SEMA3E: variants seen among roughly 807,000 people sequenced by gnomAD.
SEMA3E encodes the protein semaphorin-3E.
In SEMA3E, 49 loss-of-function variants were observed where a neutral mutation model predicts 93.6. The ratio of observed to expected loss-of-function variants is 0.52; its 90% CI spans 0.42 to 0.66. SEMA3E has a LOEUF of 0.66. Among genes scored for constraint, SEMA3E ranks in the 30% least tolerant of loss-of-function variants. The probability of loss-of-function intolerance (pLI) is 0.00; values close to 1 mark genes in which losing one functional copy is unlikely to be tolerated. For missense variants in SEMA3E, 906 were observed against 964.8 expected, an observed-to-expected ratio of 0.94 and a Z score of 0.81; for synonymous variants, 363 against 330.7, an observed-to-expected ratio of 1.10 and a Z score of -1.06.
intron 1 of SEMA3E, among the ~76,000 whole-genome samples, chr7:83,573,275 T>A (rs1792324487): frequency 1.3e-5 from 2 of 152,092 alleles, no homozygotes; most frequent in African/African-American, 4.8e-5. Context: ...TCATTTTTAT[T>A]TTATTATTTT....
chr7:83,404,621 A>G lies in SEMA3E; in HGVS notation c.998+829T>C, dbSNP rs1030456757. On this transcript the variant is annotated intron_variant, in intron 9 of 16. Coordinates refer to ENST00000643230, the MANE Select transcript of SEMA3E (RefSeq NM_012431.3). ...AAATATATGAAATAATATTTTATCC[A>G]TTTTTACAGCACTTTACTATGGGTT... Among the ~76,000 whole-genome samples, 14 of 151,972 alleles carry G rather than the reference A, an allele frequency of 9.2e-5. 1 individual carries two copies. Among genetic ancestry groups the G allele is most frequent in the Admixed American group, 2.6e-4 (4 of 15,216 alleles).
chr7:83,572,666 A>C lies in SEMA3E; in HGVS notation c.115+75762T>G, dbSNP rs1030794534. ...ACAAACAAAACAAAACAAAAAAACA[A>C]AAAAAACAGATACATAGACTAATGG... On this transcript the variant is annotated intron_variant, in intron 1 of 16. Coordinates refer to ENST00000643230, the MANE Select transcript of SEMA3E (RefSeq NM_012431.3). Among the ~76,000 whole-genome samples, 72 of 151,956 alleles carry C rather than the reference A, an allele frequency of 4.7e-4. 1 individual carries two copies. The highest frequency in any genetic ancestry group is 1.7e-3 in the African/African-American group (70 of 41,346).
intron 2 of SEMA3E, among the ~76,000 whole-genome samples, chr7:83,472,056 G>A (rs1000415329): frequency 1.3e-5 from 2 of 152,050 alleles, no homozygotes; most frequent in African/African-American, 4.8e-5. Flanking sequence ...CTCTCCCAGC[G>A]ATGGATACCC....
At chr7:83,571,747 T>C (rs1398352851) in intron 1 of SEMA3E, among the ~76,000 whole-genome samples, 2 of 152,038 alleles carry the variant, frequency 1.3e-5, no homozygotes, top group Non-Finnish European at 2.9e-5. Flanking sequence ...GAGAAAGAAA[T>C]AAAAGGCGTC....
At chr7:83,577,346 C>A (rs1032072210) in intron 1 of SEMA3E, among the ~76,000 whole-genome samples, 1 of 151,990 alleles carries the variant, frequency 6.6e-6, no homozygotes, top group Non-Finnish European at 1.5e-5. Flanking sequence ...TTTATGCTTT[C>A]AATAATCATT....
At chr7:83,467,414 C>T (rs764917725) in intron 3 of SEMA3E, among the ~76,000 whole-genome samples, 5 of 152,144 alleles carry the variant, frequency 3.3e-5, no homozygotes, top group African/African-American at 4.8e-5. Context: ...ACATAAAGCA[C>T]CTTCAGAGAG....
intron 1 of SEMA3E, among the ~76,000 whole-genome samples, chr7:83,550,147 C>T (rs1450191150): frequency 2.0e-5 from 3 of 152,078 alleles, no homozygotes; most frequent in Non-Finnish European, 2.9e-5. Context: ...TAATCTGCTT[C>T]GATATTAAAC....
intron 1 of SEMA3E, among the ~76,000 whole-genome samples, chr7:83,644,823 T>C (rs1261285138): frequency 6.6e-6 from 1 of 152,032 alleles, no homozygotes; most frequent in African/African-American, 2.4e-5. Flanking sequence ...AATCTACATG[T>C]ATAATGTTAA....
intron 1 of SEMA3E, among the ~76,000 whole-genome samples, chr7:83,632,349 T>C (rs1246084586): frequency 6.6e-6 from 1 of 152,194 alleles, no homozygotes; most frequent in Non-Finnish European, 1.5e-5. Flanking sequence ...GATAACTATC[T>C]GATATGGCTT....
At chr7:83,442,962 G>A (rs1229498885) in intron 4 of SEMA3E, among the ~76,000 whole-genome samples, 2 of 152,164 alleles carry the variant, frequency 1.3e-5, no homozygotes, top group Non-Finnish European at 2.9e-5. Flanking sequence ...TGTCGATGAA[G>A]TAGTCCAAGT....
intron 1 of SEMA3E, 71 bp downstream of exon 1, chr7:83,648,357 C>G: frequency 8.3e-7 from 1 of 1,211,334 alleles, no homozygotes; most frequent in Non-Finnish European, 1.2e-6. Flanking sequence ...TAATGTTAAA[C>G]GACTTTTTTT....
chr7:83,534,744 G>C (rs1310524700), intron 1 of SEMA3E, among the ~76,000 whole-genome samples: 2 of 152,186 alleles, frequency 1.3e-5, no homozygotes, highest in African/African-American at 4.8e-5. Flanking sequence ...AACAATGGCA[G>C]AAATGAGTAG....
rs1554318498 is a variant in SEMA3E, at chr7:83,390,048, C to CGTATATGT, written c.1667+2506_1667+2507insACATATAC. Among the ~76,000 whole-genome samples the CGTATATGT allele has an allele frequency of 4.6e-4, 23 of 50,520 alleles. 1 individual carries two copies. Among genetic ancestry groups the CGTATATGT allele is most frequent in the East Asian group, 9.7e-4 (1 of 1,032 alleles). The allele number at this position is 50,520 out of a possible 152,430, so 33.1% of individuals were successfully genotyped here. The stretch of plus-strand genomic sequence containing the variant: ...GTGTATACGTATACACATATATGCG[C>CGTATATGT]GTATACGTGTGCACATATATGCGCG... On this transcript the variant is annotated intron_variant, in intron 14 of 16. Coordinates refer to ENST00000643230, the MANE Select transcript of SEMA3E (RefSeq NM_012431.3).
At chr7:83,442,070 T>C (rs1789126027) in intron 4 of SEMA3E, among the ~76,000 whole-genome samples, 1 of 152,198 alleles carries the variant, frequency 6.6e-6, no homozygotes, top group East Asian at 1.9e-4. Context: ...AGAATGTACA[T>C]ACATAAACCT....
intron 1 of SEMA3E, among the ~76,000 whole-genome samples, chr7:83,547,314 C>G (rs761096385): frequency 6.6e-6 from 1 of 152,090 alleles, no homozygotes; most frequent in East Asian, 1.9e-4. Context: ...AAATACCACA[C>G]AAGTCTAACA....
At chr7:83,443,585 AT>A (rs1199387565) in intron 4 of SEMA3E, among the ~76,000 whole-genome samples, 1 of 152,198 alleles carries the variant, frequency 6.6e-6, no homozygotes, top group African/African-American at 2.4e-5. Context: ...AGAAATAAAC[AT>A]TTAAATTATG....
intron 1 of SEMA3E, among the ~76,000 whole-genome samples, chr7:83,543,218 ATG>A (rs1409641958): frequency 6.6e-6 from 1 of 152,118 alleles, no homozygotes; most frequent in Non-Finnish European, 1.5e-5. Context: ...GAAAAAACAG[ATG>A]TAAAGTTATT....
At chr7:83,530,142 A>G (rs16887542) in intron 1 of SEMA3E, among the ~76,000 whole-genome samples, 11,668 of 152,196 alleles carry the variant, frequency 0.077, 555 homozygotes, top group South Asian at 0.2. Context: ...TCTAGATTTA[A>G]TGTTGTTGAT....
intron 4 of SEMA3E, among the ~76,000 whole-genome samples, chr7:83,464,067 C>T (rs1362852979): frequency 6.6e-6 from 1 of 152,076 alleles, no homozygotes; most frequent in Non-Finnish European, 1.5e-5. Flanking sequence ...AGTCTGATAA[C>T]AGATGAGCCT....
Sources: gnomAD v4.1 joint callset for allele counts (sites outside exome capture counted in the v4.1 genomes callset) on GRCh38, gnomAD v4.1.1 for gene constraint, MANE v1.5 for transcripts, NCBI Gene and HGNC (gene_info 2026-07-23, HGNC 2026-07-21) for gene names.